CP: variants seen among roughly 807,000 people sequenced by gnomAD.
CP encodes the protein caeruloplasmin.
CP carries 64 observed loss-of-function variants against 122.4 expected under a neutral mutation model. That is an observed-to-expected ratio of 0.52 (90% CI 0.43 to 0.64). CP has a LOEUF of 0.64. Among genes scored for constraint, CP ranks in the 30% least tolerant of loss-of-function variants. The probability of loss-of-function intolerance (pLI) is 0.00; values close to 1 mark genes in which losing one functional copy is unlikely to be tolerated. For synonymous variants in CP, 440 were observed against 436.4 expected (o/e 1.01, Z -0.10); for missense variants, 1,167 against 1,284.4 (o/e 0.91, Z 1.40).
chr3:149,191,393 T>A (rs1342377552), intron 9 of CP, among the ~76,000 whole-genome samples: 2 of 152,044 alleles, frequency 1.3e-5, no homozygotes, highest in Non-Finnish European at 2.9e-5. Flanking sequence ...GCAGGAAACT[T>A]ATTTGTCTTA....
Position 149,186,564 on chromosome 3 carries a change from AAG to A in CP, c.2031_2032del (p.Phe678ProfsTer12), listed in dbSNP as rs1345972055. ...GTGGAGCGTAAGACTTGTTTGAGGG[AAG>A]AGGTTTGCTGTGTCTCTCCGTTCTC... On this transcript the variant is annotated frameshift_variant, in exon 11 of 19. Transcript: ENST00000264613. LOFTEE classifies it high-confidence loss of function. 1 of 1,614,062 alleles carries A rather than the reference AAG, an allele frequency of 6.2e-7. No homozygotes were observed. The highest frequency in any genetic ancestry group is 1.3e-5 in the African/African-American group (1 of 74,916).
Position 149,186,546 on chromosome 3 carries a change from G to T in CP, c.2051C>A (p.Thr684Lys), listed in dbSNP as rs535750064. 5 of 1,614,168 alleles carry T rather than the reference G, an allele frequency of 3.1e-6. No individual in the cohort carries two copies. Among genetic ancestry groups the T allele is most frequent in the Non-Finnish European group, 4.2e-6 (5 of 1,180,010 alleles). Reference protein sequence around the residue: ...TANLFPQTSLTLHMWPDTEGT... With the variant: ...TANLFPQTSLKLHMWPDTEGT... ...CTCTGTGTCAGGCCACATGTGGAGC[G>T]TAAGACTTGTTTGAGGGAAGAGGTT... is the stretch of plus-strand genomic sequence containing the variant. The change falls in exon 11 of 19, where the codon ACG becomes AAG. Residue 684 changes from threonine to lysine, a missense_variant. Coordinates refer to ENST00000264613, the MANE Select transcript of CP (RefSeq NM_000096.4).
chr3:149,176,448 G>T (rs754041234), intron 17 of CP, 36 bp from the exon 18 acceptor site: 2 of 1,446,522 alleles, frequency 1.4e-6, no homozygotes, highest in Admixed American at 3.4e-5. Context: ...GTATAATATT[G>T]TATATGAGAG....
exon 6 of CP, chr3:149,162,841 C>A: frequency 6.2e-7 from 1 of 1,614,020 alleles, no homozygotes; most frequent in South Asian, 1.1e-5. Flanking sequence ...AAGAGGCAGC[C>A]TCCTGACACC....
Position 149,209,279 on chromosome 3 carries a change from G to T in CP, c.713C>A (p.Thr238Asn). ...FSWYLEDNIK[T>N]YCSEPEKVDK... is the part of the protein sequence containing the mutation. ...AACTTTCTCTGGTTCTGAGCAGTAG[G>T]TTTTAATGTTGTCTTCTAGGTACCA... The change falls in exon 4 of 19, where the codon ACC becomes AAC. Residue 238 changes from threonine to asparagine, a missense_variant. By Grantham distance (65) the Thr-to-Asn change is moderately conservative (BLOSUM62 0). Coordinates refer to ENST00000264613, the MANE Select transcript of CP (RefSeq NM_000096.4). 2 of 1,613,714 alleles carry T rather than the reference G, an allele frequency of 1.2e-6. No individual in the cohort carries two copies. The highest frequency in any genetic ancestry group is 1.7e-6 in the Non-Finnish European group (2 of 1,179,780).
chr3:149,218,779 A>G (rs955617239), intron 1 of CP, among the ~76,000 whole-genome samples: 2 of 152,172 alleles, frequency 1.3e-5, no homozygotes, highest in African/African-American at 2.4e-5. Context: ...GTGACCAAGC[A>G]CTAGTACTTG....
Position 149,173,737 on chromosome 3 carries a change from A to T in CP, c.3182-7T>A, listed in dbSNP as rs1467086016. The T allele has an allele frequency of 2.1e-6, 3 of 1,404,628 alleles. No individual in the cohort carries two copies. The highest frequency in any genetic ancestry group is 3.8e-5 in the Admixed American group (2 of 53,090). The allele number at this position is 1,404,628 out of a possible 1,614,324, so 87.0% of individuals were successfully genotyped here. A position where few individuals can be genotyped will look rare whatever the true frequency, so the allele number is the denominator to read the frequency against. Reference sequence around the variant, plus strand: ...ATTCAGCCAGATTTGGTGTCTATAGAAAAAGAAATTTTAAGACCATTATTA... The same window carrying T: ...ATTCAGCCAGATTTGGTGTCTATAGTAAAAGAAATTTTAAGACCATTATTA... On this transcript the variant is annotated splice_polypyrimidine_tract_variant and splice_region_variant and intron_variant, in intron 18 of 18. Coordinates refer to ENST00000264613, the MANE Select transcript of CP (RefSeq NM_000096.4).
At chr3:149,172,318 T>TCACTCACACA (rs1725082961), downstream of CP, 1 of 532,658 alleles carries the variant, frequency 1.9e-6, no homozygotes, top group Admixed American at 2.5e-5. Context: ...ATTTTATATA[T>TCACTCACACA]CACACACACA....
At chr3:149,203,198 C>T (rs1025935315) in intron 6 of CP, among the ~76,000 whole-genome samples, 14 of 152,268 alleles carry the variant, frequency 9.2e-5, no homozygotes, top group African/African-American at 2.4e-4. Context: ...TAAGCCACTG[C>T]GCCCGGCCCC....
chr3:149,173,537 C>T lies in CP; in HGVS notation c.*177G>A, dbSNP rs1725194159. On this transcript the variant is annotated 3_prime_UTR_variant, in exon 19 of 19. Transcript: ENST00000264613. The stretch of plus-strand genomic sequence containing the variant: ...ATGTATCATTATATAGTCTGTTGAT[C>T]TTTCCATTTGCAAAAAATTAATAGT... The T allele has an allele frequency of 6.0e-6, 3 of 503,376 alleles. No individual in the cohort carries two copies. The highest frequency in any genetic ancestry group is 1.1e-5 in the Non-Finnish European group (3 of 274,166). The allele number at this position is 503,376 out of a possible 1,614,324, so 31.2% of individuals were successfully genotyped here. A position where few individuals can be genotyped will look rare whatever the true frequency, so the allele number is the denominator to read the frequency against.
At chr3:149,200,403 A>T (rs1429814638) in intron 7 of CP, among the ~76,000 whole-genome samples, 1 of 152,198 alleles carries the variant, frequency 6.6e-6, no homozygotes, top group African/African-American at 2.4e-5. Context: ...TGTTCTTCTG[A>T]GTGTATGTCT....
rs568332687 is a variant in CP, at chr3:149,177,762, C to T, written c.3018+78G>A. On this transcript the variant is annotated intron_variant, in intron 17 of 18. Coordinates refer to ENST00000264613, the MANE Select transcript of CP (RefSeq NM_000096.4). The stretch of plus-strand genomic sequence containing the variant: ...CTTTGCAGCTTTTTTTCATAAGTCT[C>T]TCTGAGAAAATATTTTCTTCACTTG... The T allele has an allele frequency of 1.0e-4, 153 of 1,504,160 alleles. 1 individual carries two copies. The highest frequency in any genetic ancestry group is 7.8e-4 in the South Asian group (69 of 88,696). 93.2% of individuals were successfully genotyped at this position (1,504,160 alleles called of 1,614,324 possible).
At chr3:149,182,236 G>T in intron 13 of CP, 103 bp from the exon 14 acceptor site, 2 of 1,323,642 alleles carry the variant, frequency 1.5e-6, no homozygotes, top group Non-Finnish European at 2.1e-6. Context: ...ATGGGTTTGT[G>T]GTATAATACT....
chr3:149,178,625 A>G lies in CP; in HGVS notation c.2668T>C (p.Tyr890His). 6.2e-7 allele frequency: 1 copy of G among 1,609,536 alleles called. No individual in the cohort carries two copies. The highest frequency in any genetic ancestry group is 8.5e-7 in the Non-Finnish European group (1 of 1,176,478). The change falls in exon 16 of 19, where the codon TAC (tyrosine) becomes CAC (histidine). Residue 890 changes from tyrosine (Y) to histidine (H), a missense_variant. Coordinates refer to ENST00000264613, the MANE Select transcript of CP (RefSeq NM_000096.4). Reference sequence around the variant, plus strand: ...ATCAGGGGGCCAATTAATCCACTGTAGAGGTCCTGGAAACAAGAAAAATCT... The same window carrying G: ...ATCAGGGGGCCAATTAATCCACTGTGGAGGTCCTGGAAACAAGAAAAATCT... ...YSTVDQVKDLYSGLIGPLIVC... is the reference protein window; with the variant it reads ...YSTVDQVKDLHSGLIGPLIVC...
rs34272112 is a variant in CP, at chr3:149,173,734, T to C, written c.3182-4A>G. On this transcript the variant is annotated splice_polypyrimidine_tract_variant and splice_region_variant and intron_variant, in intron 18 of 18. Transcript: ENST00000264613. ...TTCATTCAGCCAGATTTGGTGTCTA[T>C]AGAAAAAGAAATTTTAAGACCATTA... The C allele has an allele frequency of 1.5e-3, 2,140 of 1,416,672 alleles. 16 individuals are homozygous for C. The African/African-American group carries it at 0.023, about 15-fold the overall frequency. The allele number at this position is 1,416,672 out of a possible 1,614,324, so 87.8% of individuals were successfully genotyped here.
intron 7 of CP, among the ~76,000 whole-genome samples, chr3:149,201,872 G>A (rs1387856678): frequency 6.6e-6 from 1 of 152,188 alleles, no homozygotes; most frequent in African/African-American, 2.4e-5. Context: ...TGAGATTACA[G>A]GGGTGAGCTA....
rs752232577 is a variant in CP at position 149,182,035 on chromosome 3, CTGTT to C, written c.2520_2523del (p.Thr841ArgfsTer52). 3.4e-6 allele frequency: 5 copies of C among 1,467,424 alleles called. No homozygotes were observed. Among genetic ancestry groups the C allele is most frequent in the South Asian group, 1.1e-5 (1 of 89,078 alleles). 90.9% of individuals were successfully genotyped at this position (1,467,424 alleles called of 1,614,324 possible). ...AATGTTGGAGTAACTGTAGAACTCTCTGTTTGTACCCCATGGGCATGTATTGAGT... is the reference window on the plus strand; with the variant it reads ...AATGTTGGAGTAACTGTAGAACTCTCTGTACCCCATGGGCATGTATTGAGT... On this transcript the variant is annotated frameshift_variant, in exon 14 of 19. Coordinates refer to ENST00000264613, the MANE Select transcript of CP (RefSeq NM_000096.4). LOFTEE classifies it high-confidence loss of function.
At position 149,178,408 on chromosome 3, in the gene CP, G is replaced by T. The variant is rs371031293; in HGVS notation, c.2878+7C>A. On this transcript the variant is annotated splice_region_variant and intron_variant, in intron 16 of 18. Coordinates refer to ENST00000264613, the MANE Select transcript of CP (RefSeq NM_000096.4). ...TAGAAAAATTGTTTTAGAATAATGT[G>T]ACATACCATGCATTTTATTGCTTTC... 8.7e-5 allele frequency: 135 copies of T among 1,552,596 alleles called. No homozygotes were observed. In the African/African-American group the frequency reaches 1.5e-3, roughly 18 times the overall value.
intron 6 of CP, among the ~76,000 whole-genome samples, chr3:149,202,521 A>T (rs182374658): frequency 6.6e-6 from 1 of 151,518 alleles, no homozygotes; most frequent in Admixed American, 6.6e-5. Context: ...TTGACAAAGG[A>T]TTCTACCATA....
Sources: allele counts gnomAD v4.1 joint callset (sites outside exome capture counted in the v4.1 genomes callset), GRCh38; gene constraint gnomAD v4.1.1; transcripts MANE v1.5; gene names NCBI Gene and HGNC (gene_info 2026-07-23, HGNC 2026-07-21).